HMCN1: variants seen among roughly 807,000 people sequenced by gnomAD.
HMCN1 encodes the protein hemicentin-1.
In HMCN1, 321 loss-of-function variants were observed where a neutral mutation model predicts 625.9. That is an observed-to-expected ratio of 0.51 (90% CI 0.47 to 0.56). The LOEUF (loss-of-function observed/expected upper bound fraction) is 0.56, where lower values mean the gene tolerates loss of function less well. Among genes scored for constraint, HMCN1 ranks in the 20% least tolerant of loss-of-function variants. The pLI is 0.00. For missense variants in HMCN1, 6,588 were observed against 6,887.3 expected (o/e 0.96, Z 1.54); for synonymous variants, 2,425 against 2,417.6 (o/e 1.00, Z -0.09).
intron 48 of HMCN1, among the ~76,000 whole-genome samples, chr1:186,063,519 C>T (rs935791791): frequency 6.7e-6 from 1 of 148,248 alleles, no homozygotes; most frequent in African/African-American, 2.5e-5. Flanking sequence ...GGAAGGGAGT[C>T]TTTTCCTTCA....
At chr1:185,982,227 A>G (rs1301943365) in intron 17 of HMCN1, 35 bp from the exon 18 acceptor site, 2 of 1,611,498 alleles carry the variant, frequency 1.2e-6, no homozygotes, top group African/African-American at 1.3e-5. Context: ...TGGGTGAAAT[A>G]GAGTTGAAAG....
At chr1:186,039,386 G>A (rs549873844) in intron 38 of HMCN1, among the ~76,000 whole-genome samples, 1 of 152,028 alleles carries the variant, frequency 6.6e-6, no homozygotes, top group Admixed American at 6.6e-5. Flanking sequence ...ATGCAGTGAA[G>A]GGGGTACACA....
intron 1 of HMCN1, among the ~76,000 whole-genome samples, chr1:185,796,261 A>G (rs1429269738): frequency 1.3e-5 from 2 of 152,116 alleles, no homozygotes; most frequent in African/African-American, 4.8e-5. Flanking sequence ...TCCTAGGAGA[A>G]TCTAATTCCC....
Position 185,865,596 on chromosome 1 carries a change from C to G in HMCN1, c.499-145C>G, listed in dbSNP as rs911674903. On this transcript the variant is annotated intron_variant, in intron 3 of 106. Transcript: ENST00000271588. ...TTATATAAGCATACACACACACACA[C>G]ACACACACACACACACACACACACA... is the stretch of plus-strand genomic sequence containing the variant. The G allele has an allele frequency of 3.7e-6, 2 of 542,244 alleles. 1 individual carries two copies. The highest frequency in any genetic ancestry group is 5.4e-5 in the Admixed American group (2 of 37,058). 33.6% of individuals were successfully genotyped at this position (542,244 alleles called of 1,614,324 possible).
intron 98 of HMCN1, among the ~76,000 whole-genome samples, chr1:186,165,823 T>C (rs954458088): frequency 6.6e-5 from 10 of 152,118 alleles, no homozygotes; most frequent in Non-Finnish European, 1.3e-4. Context: ...AACTTCTTTT[T>C]TCCTCAGTTT....
At chr1:185,973,996 G>T (rs1322393762) in intron 15 of HMCN1, among the ~76,000 whole-genome samples, 1 of 152,114 alleles carries the variant, frequency 6.6e-6, no homozygotes, top group Non-Finnish European at 1.5e-5. Context: ...TTCCCTAAGG[G>T]AACTAGAATA....
At chr1:185,846,766 A>G (rs1320991210) in intron 2 of HMCN1, among the ~76,000 whole-genome samples, 1 of 152,126 alleles carries the variant, frequency 6.6e-6, no homozygotes, top group African/African-American at 2.4e-5. Context: ...TACCTGCCTC[A>G]TTGGCTGCCT....
intron 97 of HMCN1, among the ~76,000 whole-genome samples, chr1:186,160,406 G>A (rs1451853210): frequency 1.1e-4 from 16 of 146,806 alleles, no homozygotes; most frequent in Non-Finnish European, 1.9e-4. Context: ...AGGGTTTTTT[G>A]TGTCTCTATT....
In HMCN1 at chr1:185,864,538, T is replaced by C. The variant is rs549922182; in HGVS notation, c.408T>C (p.Gly136=). The C allele has an allele frequency of 6.2e-7, 1 of 1,614,040 alleles. No individual in the cohort carries two copies. Among genetic ancestry groups the C allele is most frequent in the East Asian group, 2.2e-5 (1 of 44,850 alleles). The change falls in exon 3 of 107, where the codon GGT becomes GGC. Residue 136 remains glycine (G), a synonymous_variant. Coordinates refer to ENST00000271588, the MANE Select transcript of HMCN1 (RefSeq NM_031935.3). ...IKIALEISLP[G]SFIYVFTDAR... is the part of the protein sequence containing the mutation. Reference sequence around the variant, plus strand: ...TTGCCTTGGAAATTTCTCTTCCTGGTTCTTTCATCTATGTTTTCACTGATG... The same window carrying C: ...TTGCCTTGGAAATTTCTCTTCCTGGCTCTTTCATCTATGTTTTCACTGATG...
intron 14 of HMCN1, among the ~76,000 whole-genome samples, chr1:185,967,515 G>T (rs1009455166): frequency 6.6e-6 from 1 of 152,060 alleles, no homozygotes; most frequent in African/African-American, 2.4e-5. Flanking sequence ...TGTGTTCCCT[G>T]GGTTCATCAA....
intron 1 of HMCN1, among the ~76,000 whole-genome samples, chr1:185,793,881 C>A (rs1268673541): frequency 2.0e-5 from 3 of 152,012 alleles, no homozygotes; most frequent in Admixed American, 6.6e-5. Context: ...TATATGAAGA[C>A]CTAAAAAACG....
chr1:186,124,957 A>G (rs1182173299), intron 81 of HMCN1, among the ~76,000 whole-genome samples: 1 of 152,040 alleles, frequency 6.6e-6, no homozygotes, highest in Non-Finnish European at 1.5e-5. Flanking sequence ...GTTCATCTCT[A>G]TATTGCCCAA....
chr1:185,911,237 G>A (rs1286148442), intron 5 of HMCN1, among the ~76,000 whole-genome samples: 2 of 152,012 alleles, frequency 1.3e-5, no homozygotes, highest in Non-Finnish European at 2.9e-5. Context: ...TCTCTCTAGT[G>A]ACTCTGCATA....
intron 1 of HMCN1, among the ~76,000 whole-genome samples, chr1:185,841,587 AAC>A (rs1661480908): frequency 6.6e-6 from 1 of 152,148 alleles, no homozygotes; most frequent in Non-Finnish European, 1.5e-5. Context: ...CCTATATTCA[AAC>A]ACTTACTGGA....
intron 14 of HMCN1, among the ~76,000 whole-genome samples, chr1:185,967,805 C>T (rs544163862): frequency 2.0e-5 from 3 of 152,072 alleles, no homozygotes; most frequent in Admixed American, 6.6e-5. Flanking sequence ...CCTGCCTTCA[C>T]CATAAGAATA....
At chr1:185,811,366 A>C (rs1302073987) in intron 1 of HMCN1, among the ~76,000 whole-genome samples, 1 of 152,110 alleles carries the variant, frequency 6.6e-6, no homozygotes, top group African/African-American at 2.4e-5. Flanking sequence ...TACTTGAAAC[A>C]GGTGATTCTC....
intron 51 of HMCN1, 83 bp downstream of exon 51, chr1:186,069,859 A>C (rs1055860125): frequency 2.8e-5 from 24 of 842,126 alleles, no homozygotes; most frequent in Non-Finnish European, 4.6e-5. Flanking sequence ...ATGGGTTCAT[A>C]ATTATTTATA....
At chr1:186,133,863 G>A (rs1299149672) in intron 86 of HMCN1, among the ~76,000 whole-genome samples, 1 of 151,098 alleles carries the variant, frequency 6.6e-6, no homozygotes, top group African/African-American at 2.4e-5. Context: ...ATAAAGAACA[G>A]TTACTATGTG....
chr1:186,032,088 A>G (rs1655489723), intron 36 of HMCN1, among the ~76,000 whole-genome samples: 1 of 152,134 alleles, frequency 6.6e-6, no homozygotes, highest in Admixed American at 6.5e-5. Context: ...TAAAAACCTT[A>G]TGCATAGCAA....
Sources: gnomAD v4.1 joint callset for allele counts (sites outside exome capture counted in the v4.1 genomes callset) on GRCh38, gnomAD v4.1.1 for gene constraint, MANE v1.5 for transcripts, NCBI Gene and HGNC (gene_info 2026-07-23, HGNC 2026-07-21) for gene names.